Variants in EYA1 observed in about 807,000 individuals in gnomAD.
EYA1 encodes protein phosphatase EYA1.
EYA1 carries 16 observed loss-of-function variants against 82.0 expected under a neutral mutation model. The ratio of observed to expected loss-of-function variants is 0.20; its 90% CI spans 0.13 to 0.30. EYA1 has a LOEUF of 0.30. Among genes scored for constraint, EYA1 ranks in the 10% least tolerant of loss-of-function variants. EYA1 has a pLI of 1.00. For synonymous variants in EYA1, 261 were observed against 264.4 expected, an observed-to-expected ratio of 0.99 and a Z score of 0.12; for missense variants, 633 against 730.7, an observed-to-expected ratio of 0.87 and a Z score of 1.54.
chr8:71,207,311 CTATT>C (rs1425858953), intron 17 of EYA1, among the ~76,000 whole-genome samples: 2 of 152,172 alleles, frequency 1.3e-5, no homozygotes, highest in Non-Finnish European at 2.9e-5. Context: ...ACAAAGACGA[CTATT>C]TATATACTAG....
intron 2 of EYA1, among the ~76,000 whole-genome samples, chr8:71,402,461 C>A (rs1221979081): frequency 1.3e-5 from 2 of 152,040 alleles, no homozygotes; most frequent in Non-Finnish European, 2.9e-5. Context: ...GTAGTATAGA[C>A]CCAAACACAT....
At chr8:71,246,814 T>C (rs35975914) in intron 11 of EYA1, among the ~76,000 whole-genome samples, 53,737 of 152,064 alleles carry the variant, frequency 0.35, 10,036 homozygotes, top group African/African-American at 0.45. Flanking sequence ...AGCGGAGCCT[T>C]GCTGGGCACC....
intron 2 of EYA1, among the ~76,000 whole-genome samples, chr8:71,416,131 C>T (rs539055110): frequency 6.6e-6 from 1 of 152,300 alleles, no homozygotes; most frequent in South Asian, 2.1e-4. Flanking sequence ...TAGAAAGCTC[C>T]AGGCGGATGG....
chr8:71,215,849 T>A (rs1809130197), intron 14 of EYA1, 121 bp from the exon 15 acceptor site: 1 of 730,300 alleles, frequency 1.4e-6, no homozygotes, highest in Non-Finnish European at 2.5e-6. Context: ...GTATACAAAG[T>A]ATCTTTCACA....
intron 2 of EYA1, among the ~76,000 whole-genome samples, chr8:71,395,973 G>A (rs1167119593): frequency 6.6e-6 from 1 of 152,196 alleles, no homozygotes; most frequent in Non-Finnish European, 1.5e-5. Context: ...TTAAGAACCT[G>A]TAATTGGTCT....
At chr8:71,408,920 A>C (rs1346547284) in intron 2 of EYA1, among the ~76,000 whole-genome samples, 24 of 108,692 alleles carry the variant, frequency 2.2e-4, no homozygotes, top group African/African-American at 9.4e-4. Context: ...CAGAATATAC[A>C]TTTTTTTCAG....
rs559631775 is a variant in EYA1 at position 71,348,988 on chromosome 8, C to G, written c.124+5794G>C. 8.5e-5 allele frequency among the ~76,000 whole-genome samples: 13 copies of G among 152,312 alleles called. No homozygotes were observed. The East Asian group carries it at 2.3e-3, about 27-fold the overall frequency. ...GTTTTTAAATTTCACAGTAACACCG[C>G]CCCAATCCAAATGTGCATATAATAA... On this transcript the variant is annotated intron_variant, in intron 3 of 17. Coordinates refer to ENST00000340726, the MANE Select transcript of EYA1 (RefSeq NM_000503.6).
At chr8:71,267,766 T>G (rs973376570) in intron 11 of EYA1, among the ~76,000 whole-genome samples, 1 of 152,172 alleles carries the variant, frequency 6.6e-6, no homozygotes, top group Non-Finnish European at 1.5e-5. Flanking sequence ...GCCAGGATGG[T>G]CTCGATCTCC....
At chr8:71,353,992 T>C (rs1430926938) in intron 3 of EYA1, among the ~76,000 whole-genome samples, 1 of 152,208 alleles carries the variant, frequency 6.6e-6, no homozygotes, top group Non-Finnish European at 1.5e-5. Flanking sequence ...ATATGTAACA[T>C]ATCTTTCCAT....
chr8:71,513,842 C>A (rs974844888), intron 2 of EYA1, among the ~76,000 whole-genome samples: 1 of 152,006 alleles, frequency 6.6e-6, no homozygotes, highest in South Asian at 2.1e-4. Flanking sequence ...TGAGAACATG[C>A]GATGCTTTTC....
intron 1 of EYA1, chr8:71,535,966 C>CCTT (rs1188611691): frequency 2.5e-6 from 1 of 401,594 alleles, no homozygotes; most frequent in African/African-American, 2.1e-5. Context: ...AGAACACTTA[C>CCTT]CTTCACTGAA....
chr8:71,331,664 G>T (rs1586407834), intron 4 of EYA1, among the ~76,000 whole-genome samples: 1 of 151,974 alleles, frequency 6.6e-6, no homozygotes, highest in East Asian at 1.9e-4. Context: ...AAGCAAAACT[G>T]TGATTATACT....
intron 2 of EYA1, among the ~76,000 whole-genome samples, chr8:71,483,044 A>G (rs965778772): frequency 1.3e-5 from 2 of 152,210 alleles, no homozygotes; most frequent in African/African-American, 4.8e-5. Flanking sequence ...CCAGATCATG[A>G]CAGACCCCTG....
intron 2 of EYA1, among the ~76,000 whole-genome samples, chr8:71,490,200 TA>T (rs1810890979): frequency 6.6e-6 from 1 of 152,242 alleles, no homozygotes. Flanking sequence ...TTCTCTATTA[TA>T]AAAGTTGTGG....
Position 71,472,788 on chromosome 8 carries a change from GATATAT to G in EYA1, c.33+62950_33+62955del, listed in dbSNP as rs71264559. On this transcript the variant is annotated intron_variant, in intron 2 of 18. Coordinates refer to the EYA1 transcript ENST00000643681. ...CATGCATTTTAGATGTAGCTTTGAA[GATATAT>G]ATATATATATATATATATATCTGTC... Among the ~76,000 whole-genome samples the G allele has an allele frequency of 6.6e-3, 832 of 126,826 alleles. 13 individuals are homozygous for G. Among genetic ancestry groups the G allele is most frequent in the African/African-American group, 0.018 (617 of 34,606 alleles). 83.2% of individuals were successfully genotyped at this position (126,826 alleles called of 152,430 possible). A position where few individuals can be genotyped will look rare whatever the true frequency, so the allele number is the denominator to read the frequency against.
chr8:71,220,051 C>T (rs1025089010), intron 12 of EYA1, among the ~76,000 whole-genome samples: 1 of 152,092 alleles, frequency 6.6e-6, no homozygotes, highest in Non-Finnish European at 1.5e-5. Flanking sequence ...GCACCGTGAA[C>T]CAACAGCAGC....
At chr8:71,377,172 T>C (rs1371960786) in intron 2 of EYA1, among the ~76,000 whole-genome samples, 2 of 152,190 alleles carry the variant, frequency 1.3e-5, no homozygotes. Flanking sequence ...GCATGCATAC[T>C]GGAGGTTTTC....
At chr8:71,223,158 A>G (rs1205009610) in intron 12 of EYA1, among the ~76,000 whole-genome samples, 1 of 152,188 alleles carries the variant, frequency 6.6e-6, no homozygotes, top group Non-Finnish European at 1.5e-5. Flanking sequence ...AGGTTTTAGC[A>G]TATCACACTG....
Position 71,215,630 on chromosome 8 carries a change from A to AG in EYA1, c.1458dup (p.Ser487LeufsTer45). The AG allele has an allele frequency of 6.2e-7, 1 of 1,614,096 alleles. No homozygotes were observed. The highest frequency in any genetic ancestry group is 8.5e-7 in the Non-Finnish European group (1 of 1,179,944). On this transcript the variant is annotated frameshift_variant, in exon 15 of 18. Coordinates refer to ENST00000340726, the MANE Select transcript of EYA1 (RefSeq NM_000503.6). LOFTEE classifies it high-confidence loss of function. ...GAGCCTCACCGGGAGTGAATGAGCGAGAGTGCTTTCAGGGCCAGTGTCAAC... is the reference window on the plus strand; with the variant it reads ...GAGCCTCACCGGGAGTGAATGAGCGAGGAGTGCTTTCAGGGCCAGTGTCAAC...
Sources: allele counts gnomAD v4.1 joint callset (sites outside exome capture counted in the v4.1 genomes callset), GRCh38; gene constraint gnomAD v4.1.1; transcripts MANE v1.5; gene names NCBI Gene and HGNC (gene_info 2026-07-23, HGNC 2026-07-21).